The following SGCZ variants were observed in gnomAD, a reference collection of about 807,000 sequenced individuals.
SGCZ encodes zeta-sarcoglycan.
SGCZ carries 40 observed loss-of-function variants against 41.3 expected under a neutral mutation model. That is an observed-to-expected ratio of 0.97 (90% CI 0.75 to 1.26). The LOEUF is 1.26. Among genes scored for constraint, SGCZ ranks in the 50% most tolerant of loss-of-function variants. SGCZ has a pLI of 0.00. For synonymous variants in SGCZ, 206 were observed against 137.5 expected (o/e 1.50, Z -3.49); for missense variants, 552 against 369.8 (o/e 1.49, Z -4.04).
Position 14,553,153 on chromosome 8 carries a change from G to A in SGCZ, c.234+1579C>T, listed in dbSNP as rs73533153. ...ATAAATGACTCCTGAAGGACACCCA[G>A]ACAGTAGTCAGAGAAGGCAGGAGCA... On this transcript the variant is annotated intron_variant, in intron 2 of 7. Coordinates refer to ENST00000382080, the MANE Select transcript of SGCZ (RefSeq NM_139167.4). 8.5e-3 allele frequency among the ~76,000 whole-genome samples: 1,298 copies of A among 152,142 alleles called. 13 individuals are homozygous for A. Among genetic ancestry groups the A allele is most frequent in the African/African-American group, 0.03 (1,237 of 41,528 alleles).
chr8:14,509,390 A>T (rs1348904344), intron 2 of SGCZ, among the ~76,000 whole-genome samples: 1 of 152,184 alleles, frequency 6.6e-6, no homozygotes, highest in African/African-American at 2.4e-5. Flanking sequence ...AAATGACAGA[A>T]AATGATATAA....
intron 3 of SGCZ, among the ~76,000 whole-genome samples, 183 bp downstream of exon 3, chr8:14,323,920 C>T (rs576602887): frequency 4.6e-5 from 7 of 151,944 alleles, no homozygotes; most frequent in Non-Finnish European, 8.8e-5. Context: ...TAAGATTTGT[C>T]GGGTTGAAAC....
chr8:15,141,734 T>C (rs575555841), intron 1 of SGCZ, among the ~76,000 whole-genome samples: 1 of 152,248 alleles, frequency 6.6e-6, no homozygotes, highest in Admixed American at 6.5e-5. Context: ...AAACCCCGTC[T>C]CTACCAAAAC....
chr8:14,102,350 C>A (rs781084125), intron 7 of SGCZ, 26 bp downstream of exon 7: 1 of 1,441,698 alleles, frequency 6.9e-7, no homozygotes, highest in Middle Eastern at 1.9e-4. Context: ...CAGTATAGGG[C>A]GAGGGTCCAA....
At chr8:14,200,459 C>G (rs763505012) in intron 4 of SGCZ, among the ~76,000 whole-genome samples, 2 of 152,108 alleles carry the variant, frequency 1.3e-5, no homozygotes, top group African/African-American at 2.4e-5. Flanking sequence ...TCATGGCTCA[C>G]TATAAAGAAT....
At position 14,763,171 on chromosome 8, in the gene SGCZ, G is replaced by T. The variant is rs535738577; in HGVS notation, c.40-208245C>A. ...CTATAGTCAGATACTGGTTAAAATA[G>T]TCTCAGAGACTGGCCTGTCAAGTTC... On this transcript the variant is annotated intron_variant, in intron 1 of 7. Coordinates refer to ENST00000382080, the MANE Select transcript of SGCZ (RefSeq NM_139167.4). 1.4e-3 allele frequency among the ~76,000 whole-genome samples: 212 copies of T among 152,196 alleles called. 1 individual carries two copies. Among genetic ancestry groups the T allele is most frequent in the Middle Eastern group, 0.014 (4 of 294 alleles).
At chr8:15,193,934 A>G (rs193298548) in intron 1 of SGCZ, among the ~76,000 whole-genome samples, 2 of 152,096 alleles carry the variant, frequency 1.3e-5, no homozygotes, top group East Asian at 3.9e-4. Context: ...ACATGTTCTT[A>G]TCTTAATATT....
chr8:14,528,255 T>G (rs1250556976), intron 2 of SGCZ, among the ~76,000 whole-genome samples: 1 of 152,132 alleles, frequency 6.6e-6, no homozygotes, highest in Non-Finnish European at 1.5e-5. Context: ...GAAGGCAGTA[T>G]CAATTTTTGA....
chr8:14,330,141 A>G (rs1458004379), intron 2 of SGCZ, among the ~76,000 whole-genome samples: 4 of 152,096 alleles, frequency 2.6e-5, no homozygotes, highest in African/African-American at 4.8e-5. Context: ...TATAAAATGT[A>G]TCATATTCTG....
intron 4 of SGCZ, among the ~76,000 whole-genome samples, chr8:14,222,164 G>GT (rs916105308): frequency 1.6e-4 from 25 of 151,918 alleles, no homozygotes; most frequent in Admixed American, 1.4e-3. Context: ...TGTTGTTGCT[G>GT]TTTTTTTGTT....
intron 1 of SGCZ, among the ~76,000 whole-genome samples, chr8:15,141,763 G>C (rs1478842815): frequency 6.6e-6 from 1 of 152,088 alleles, no homozygotes; most frequent in South Asian, 2.1e-4. Flanking sequence ...TCAACTCGGC[G>C]TGGTGGTGCG....
chr8:14,247,973 T>C (rs1200429665), intron 3 of SGCZ, among the ~76,000 whole-genome samples: 1 of 152,210 alleles, frequency 6.6e-6, no homozygotes, highest in East Asian at 1.9e-4. Flanking sequence ...AATCTGCAGA[T>C]TTAAAGCAAA....
chr8:14,641,019 G>T (rs1807006434), intron 1 of SGCZ, among the ~76,000 whole-genome samples: 1 of 151,714 alleles, frequency 6.6e-6, no homozygotes, highest in South Asian at 2.1e-4. Context: ...ATGAATTTGA[G>T]AATTCCATTA....
At chr8:15,099,203 T>A (rs528601794) in intron 1 of SGCZ, among the ~76,000 whole-genome samples, 1 of 152,290 alleles carries the variant, frequency 6.6e-6, no homozygotes, top group East Asian at 1.9e-4. Context: ...GTGTAGTCTT[T>A]GTGATTGGCC....
chr8:14,254,537 T>A (rs1799396577), intron 3 of SGCZ, among the ~76,000 whole-genome samples: 1 of 152,204 alleles, frequency 6.6e-6, no homozygotes, highest in African/African-American at 2.4e-5. Context: ...AAAAAGATTT[T>A]AAAAATTGAA....
chr8:15,175,428 C>A (rs1207440670), intron 1 of SGCZ, among the ~76,000 whole-genome samples: 2 of 151,862 alleles, frequency 1.3e-5, no homozygotes, highest in Non-Finnish European at 2.9e-5. Context: ...ACCAAGCTAA[C>A]ACAGGAATAG....
chr8:14,702,805 GTAGTTAGGTAGATAGATAGA>G (rs1415386794), intron 1 of SGCZ, among the ~76,000 whole-genome samples: 1 of 135,166 alleles, frequency 7.4e-6, no homozygotes, highest in Non-Finnish European at 1.6e-5. Context: ...AGACAGGTAG[GTAGTTAGGTAGATAGATAGA>G]TAGATAGATA....
intron 1 of SGCZ, among the ~76,000 whole-genome samples, chr8:14,928,359 A>T (rs548465370): frequency 6.6e-6 from 1 of 152,298 alleles, no homozygotes; most frequent in East Asian, 1.9e-4. Context: ...GCTCAGGGAG[A>T]AAAGTGTGGT....
intron 1 of SGCZ, among the ~76,000 whole-genome samples, chr8:14,799,410 T>C (rs1801241233): frequency 6.6e-6 from 1 of 152,162 alleles, no homozygotes; most frequent in Admixed American, 6.5e-5. Flanking sequence ...AACCCCAATT[T>C]TCTTTCAGTA....
Sources: allele counts gnomAD v4.1 joint callset (sites outside exome capture counted in the v4.1 genomes callset), GRCh38; gene constraint gnomAD v4.1.1; transcripts MANE v1.5; gene names NCBI Gene and HGNC (gene_info 2026-07-23, HGNC 2026-07-21).